FAT3: variants seen among roughly 807,000 people sequenced by gnomAD.
The protein encoded by FAT3 is FAT atypical cadherin 3.
In FAT3, 95 loss-of-function variants were observed where a neutral mutation model predicts 310.2. That is an observed-to-expected ratio of 0.31 (90% CI 0.26 to 0.36). FAT3 has a LOEUF of 0.36. Ranked by LOEUF, FAT3 falls within the 10% of genes least tolerant of loss-of-function variation. FAT3 has a pLI of 1.00. For missense variants in FAT3, 5,408 were observed against 5,715.6 expected, an observed-to-expected ratio of 0.95 and a Z score of 1.74; for synonymous variants, 2,314 against 2,192.9, an observed-to-expected ratio of 1.06 and a Z score of -1.54.
chr11:92,842,494 T>C (rs1410736648), intron 18 of FAT3, among the ~76,000 whole-genome samples: 1 of 152,218 alleles, frequency 6.6e-6, no homozygotes, highest in African/African-American at 2.4e-5. Flanking sequence ...TCTGCTAAAG[T>C]TATATCCTTC....
intron 1 of FAT3, among the ~76,000 whole-genome samples, chr11:92,241,144 C>T (rs1429990724): frequency 6.6e-6 from 1 of 152,048 alleles, no homozygotes; most frequent in Admixed American, 6.6e-5. Flanking sequence ...ACTTGATATT[C>T]GTTGGCCAAA....
chr11:92,337,794 C>T (rs1391445003), intron 1 of FAT3, among the ~76,000 whole-genome samples: 2 of 152,220 alleles, frequency 1.3e-5, no homozygotes, highest in African/African-American at 4.8e-5. Context: ...CCTCGAAGTA[C>T]TTGTTGTACA....
intron 2 of FAT3, among the ~76,000 whole-genome samples, chr11:92,501,824 G>A (rs1436553398): frequency 1.3e-5 from 2 of 151,966 alleles, no homozygotes; most frequent in African/African-American, 4.8e-5. Flanking sequence ...AATTCTAGCA[G>A]TGAATTTTGA....
At chr11:92,880,641 C>T in intron 22 of FAT3, 90 bp from the exon 23 acceptor site, 2 of 1,430,832 alleles carry the variant, frequency 1.4e-6, no homozygotes, top group Non-Finnish European at 1.9e-6. Flanking sequence ...TACGGTTCAA[C>T]AAAGAATTAG....
Position 92,797,960 on chromosome 11 carries a change from G to A in FAT3, c.4947G>A (p.Pro1649=), listed in dbSNP as rs1480536293. ...TCAAAGTCACAGATCAGGGATCCCC[G>A]CCAATGTCTGCTACTGCAATTGTGC... ...LSIKVTDQGS[P]PMSATAIVRI... is the part of the protein sequence containing the mutation. The change falls in exon 10 of 28, where the codon CCG becomes CCA. Residue 1649 remains proline, a synonymous_variant. Transcript: ENST00000525166. 16 of 1,613,688 alleles carry A rather than the reference G, an allele frequency of 9.9e-6. No individual in the cohort carries two copies. The highest frequency in any genetic ancestry group is 2.7e-5 in the African/African-American group (2 of 74,866).
chr11:92,571,120 C>G (rs1343438141), intron 3 of FAT3, among the ~76,000 whole-genome samples: 3 of 152,030 alleles, frequency 2.0e-5, no homozygotes, highest in Non-Finnish European at 4.4e-5. Flanking sequence ...AACTCTTTGT[C>G]TAGAAATATG....
chr11:92,470,608 A>G (rs1256958164), intron 2 of FAT3, among the ~76,000 whole-genome samples: 1 of 152,224 alleles, frequency 6.6e-6, no homozygotes, highest in Admixed American at 6.5e-5. Flanking sequence ...TGGAACTCAC[A>G]GAACTTCTTG....
intron 3 of FAT3, among the ~76,000 whole-genome samples, chr11:92,660,803 T>G (rs1028001180): frequency 6.6e-6 from 1 of 152,200 alleles, no homozygotes; most frequent in African/African-American, 2.4e-5. Flanking sequence ...CTTCATGGGC[T>G]GAAGGGCTTT....
At chr11:92,505,344 T>C (rs1447253052) in intron 2 of FAT3, among the ~76,000 whole-genome samples, 1 of 152,156 alleles carries the variant, frequency 6.6e-6, no homozygotes, top group Non-Finnish European at 1.5e-5. Flanking sequence ...CTTTGAACTT[T>C]CCTGGACGAC....
intron 2 of FAT3, among the ~76,000 whole-genome samples, chr11:92,519,825 G>A (rs183161680): frequency 3.3e-5 from 5 of 152,152 alleles, no homozygotes; most frequent in South Asian, 2.1e-4. Flanking sequence ...AGATACCATT[G>A]TATACCCATT....
chr11:92,876,902 G>A (rs1271136367), intron 22 of FAT3, among the ~76,000 whole-genome samples: 1 of 152,224 alleles, frequency 6.6e-6, no homozygotes, highest in Non-Finnish European at 1.5e-5. Context: ...TTGAAGAGGA[G>A]AAACCCAAGA....
At chr11:92,634,957 G>C (rs12286288) in intron 3 of FAT3, among the ~76,000 whole-genome samples, 1 of 152,116 alleles carries the variant, frequency 6.6e-6, no homozygotes, top group African/African-American at 2.4e-5. Flanking sequence ...TTCCCTCTGA[G>C]CACCCACAGC....
At chr11:92,564,355 C>T (rs528446395) in intron 3 of FAT3, among the ~76,000 whole-genome samples, 1 of 150,660 alleles carries the variant, frequency 6.6e-6, no homozygotes, top group Admixed American at 6.6e-5. Context: ...AATATATATG[C>T]ACCCAATACA....
At chr11:92,533,584 G>A (rs913063754) in intron 3 of FAT3, among the ~76,000 whole-genome samples, 6 of 152,154 alleles carry the variant, frequency 3.9e-5, no homozygotes, top group Non-Finnish European at 8.8e-5. Context: ...GCAGGGATAG[G>A]GAGCTTTAAT....
chr11:92,569,761 G>C lies in FAT3; in HGVS notation c.3607+44813G>C, dbSNP rs548425474. ...GTCCCCCCTTTACTTGTATCATTTTGCATATTTAGTAGAGCTAAGATGCTT... is the reference window on the plus strand; with the variant it reads ...GTCCCCCCTTTACTTGTATCATTTTCCATATTTAGTAGAGCTAAGATGCTT... On this transcript the variant is annotated intron_variant, in intron 3 of 27. Transcript: ENST00000525166. Among the ~76,000 whole-genome samples, 12 of 152,268 alleles carry C rather than the reference G, an allele frequency of 7.9e-5. No individual in the cohort carries two copies. In the East Asian group the frequency reaches 2.1e-3, roughly 27 times the overall value.
intron 1 of FAT3, among the ~76,000 whole-genome samples, chr11:92,320,797 G>C (rs1288223227): frequency 6.6e-6 from 1 of 151,776 alleles, no homozygotes; most frequent in African/African-American, 2.4e-5. Context: ...TTGAACCCAG[G>C]AGGCAGAGGT....
chr11:92,257,713 A>G (rs1865370870), intron 1 of FAT3, among the ~76,000 whole-genome samples: 1 of 151,970 alleles, frequency 6.6e-6, no homozygotes, highest in Non-Finnish European at 1.5e-5. Context: ...GAATTACATA[A>G]CTCGATTTGT....
At chr11:92,603,948 C>T (rs1301252496) in intron 3 of FAT3, among the ~76,000 whole-genome samples, 2 of 152,168 alleles carry the variant, frequency 1.3e-5, no homozygotes, top group African/African-American at 4.8e-5. Context: ...CATGCTCAGT[C>T]CAAAATACCC....
At chr11:92,314,004 A>C (rs1333377903) in intron 1 of FAT3, among the ~76,000 whole-genome samples, 1 of 152,224 alleles carries the variant, frequency 6.6e-6, no homozygotes, top group East Asian at 1.9e-4. Context: ...CTAAGTGCCA[A>C]GGATATTTTG....
Sources: allele counts gnomAD v4.1 joint callset (sites outside exome capture counted in the v4.1 genomes callset), GRCh38; gene constraint gnomAD v4.1.1; transcripts MANE v1.5; gene names NCBI Gene and HGNC (gene_info 2026-07-23, HGNC 2026-07-21).